MTX2: variants seen among roughly 807,000 people sequenced by gnomAD.
MTX2 encodes metaxin 2.
MTX2 carries 35 observed loss-of-function variants against 42.3 expected under a neutral mutation model. The observed-to-expected ratio is 0.83, with a 90% CI of 0.63 to 1.10. The LOEUF (loss-of-function observed/expected upper bound fraction) is 1.10, where lower values mean the gene tolerates loss of function less well. Ranked by LOEUF, MTX2 falls within the 50% of genes least tolerant of loss-of-function variation. The probability of loss-of-function intolerance (pLI) is 0.00; values close to 1 mark genes in which losing one functional copy is unlikely to be tolerated. For missense variants in MTX2, 307 were observed against 304.1 expected (o/e 1.01, Z -0.07); for synonymous variants, 119 against 100.9 (o/e 1.18, Z -1.08).
At chr2:176,314,298 G>A (rs1480856817) in intron 3 of MTX2, among the ~76,000 whole-genome samples, 1 of 152,038 alleles carries the variant, frequency 6.6e-6, no homozygotes, top group Non-Finnish European at 1.5e-5. Context: ...TTAGCTGGGT[G>A]TAGTAGTACA....
At chr2:176,287,663 AT>A (rs957581851) in intron 1 of MTX2, among the ~76,000 whole-genome samples, 11 of 152,204 alleles carry the variant, frequency 7.2e-5, no homozygotes, top group Admixed American at 1.3e-4. Context: ...AAAACTTGTG[AT>A]GATGTGTAGC....
chr2:176,301,054 GTGTT>G (rs1386132768), intron 3 of MTX2, among the ~76,000 whole-genome samples: 1 of 134,508 alleles, frequency 7.4e-6, no homozygotes, highest in Non-Finnish European at 1.7e-5. Context: ...GGACATGTTT[GTGTT>G]TGTGTGAACA....
Position 176,302,414 on chromosome 2 carries a change from T to C in MTX2, c.135+4519T>C. Among the ~76,000 whole-genome samples the C allele has an allele frequency of 1.3e-5, 2 of 152,094 alleles. 1 individual carries two copies. Among genetic ancestry groups the C allele is most frequent in the Non-Finnish European group, 2.9e-5 (2 of 68,012 alleles). The stretch of plus-strand genomic sequence containing the variant: ...TATTTTATTTCTGTTGAATGTAGTA[T>C]ATAATTTAAAAGTCAGCATTTTGTT... On this transcript the variant is annotated intron_variant, in intron 3 of 9. Coordinates refer to ENST00000249442, the MANE Select transcript of MTX2 (RefSeq NM_006554.5).
chr2:176,327,241 G>C lies in MTX2; in HGVS notation c.285+340G>C, dbSNP rs562539733. ...AAACTATTAGGTTTTGAAGTGTCTG[G>C]CTGACCTTTGAAAAGGGAGATACAG... On this transcript the variant is annotated intron_variant, in intron 5 of 9. Transcript: ENST00000249442. 1.1e-4 allele frequency among the ~76,000 whole-genome samples: 16 copies of C among 151,180 alleles called. No homozygotes were observed. The South Asian group carries it at 2.9e-3, about 27-fold the overall frequency.
At chr2:176,317,404 C>G (rs1030346187) in intron 3 of MTX2, among the ~76,000 whole-genome samples, 3 of 152,126 alleles carry the variant, frequency 2.0e-5, no homozygotes, top group Admixed American at 2.0e-4. Context: ...TTGCTCTCTG[C>G]AGTTTTGTTT....
intron 1 of MTX2, among the ~76,000 whole-genome samples, chr2:176,273,469 A>G (rs1033633389): frequency 3.9e-5 from 6 of 152,090 alleles, no homozygotes; most frequent in African/African-American, 7.2e-5. Flanking sequence ...TGAGAGCTCT[A>G]ATTTTTAGTG....
chr2:176,330,006 C>T (rs1023843268), intron 8 of MTX2, among the ~76,000 whole-genome samples: 10 of 151,036 alleles, frequency 6.6e-5, no homozygotes, highest in African/African-American at 2.4e-4. Context: ...AATTAATGCC[C>T]GTCTTTTCCA....
chr2:176,288,651 A>G (rs1693259867), intron 1 of MTX2, among the ~76,000 whole-genome samples: 1 of 151,392 alleles, frequency 6.6e-6, no homozygotes, highest in Non-Finnish European at 1.5e-5. Context: ...TAGTGCACAA[A>G]TGATAGGTTT....
At chr2:176,302,859 G>A (rs1406974682) in intron 3 of MTX2, among the ~76,000 whole-genome samples, 6 of 152,180 alleles carry the variant, frequency 3.9e-5, no homozygotes, top group African/African-American at 1.4e-4. Context: ...CTTTCTAGAA[G>A]GATGTATTAA....
chr2:176,298,630 T>C (rs527725973), intron 3 of MTX2, among the ~76,000 whole-genome samples: 74 of 152,274 alleles, frequency 4.9e-4, no homozygotes, highest in Non-Finnish European at 7.6e-4. Context: ...TTGTGTAGTT[T>C]AACATAGGAC....
chr2:176,275,312 C>T, intron 1 of MTX2, among the ~76,000 whole-genome samples: 1 of 151,670 alleles, frequency 6.6e-6, no homozygotes, highest in East Asian at 1.9e-4. Context: ...AACCTTGGCT[C>T]ACTGCAACCT....
intron 9 of MTX2, among the ~76,000 whole-genome samples, chr2:176,337,149 C>T (rs906611858): frequency 6.6e-6 from 1 of 152,146 alleles, no homozygotes; most frequent in Non-Finnish European, 1.5e-5. Context: ...TTAAGCCATT[C>T]TACCACCTCA....
intron 9 of MTX2, among the ~76,000 whole-genome samples, chr2:176,335,997 A>C (rs1363023499): frequency 6.6e-6 from 1 of 152,136 alleles, no homozygotes; most frequent in Non-Finnish European, 1.5e-5. Context: ...ATAGGGTTCA[A>C]GGCCACATAG....
At chr2:176,320,922 C>G (rs1247242885) in intron 3 of MTX2, among the ~76,000 whole-genome samples, 1 of 152,094 alleles carries the variant, frequency 6.6e-6, no homozygotes, top group Non-Finnish European at 1.5e-5. Flanking sequence ...GTCTTGAACT[C>G]CTGGCCTCAA....
intron 3 of MTX2, among the ~76,000 whole-genome samples, chr2:176,304,926 A>T (rs1684105767): frequency 6.6e-6 from 1 of 152,094 alleles, no homozygotes; most frequent in African/African-American, 2.4e-5. Flanking sequence ...CATGTGACTT[A>T]CATAAATTTA....
At chr2:176,328,436 A>G in intron 6 of MTX2, 51 bp downstream of exon 6, 1 of 1,156,496 alleles carries the variant, frequency 8.6e-7, no homozygotes, top group Non-Finnish European at 1.2e-6. Flanking sequence ...TCTCATTCTC[A>G]TAAAATATAA....
rs555619183 is a variant in MTX2 at position 176,331,855 on chromosome 2, T to C, written c.620+1195T>C. On this transcript the variant is annotated intron_variant, in intron 9 of 9. Transcript: ENST00000249442. ...TTGAAAAGCTCAGAAGGGGTGTGTT[T>C]TATTGAAATGCATTATTCTATTTTA... 2.0e-5 allele frequency among the ~76,000 whole-genome samples: 3 copies of C among 151,412 alleles called. No individual in the cohort carries two copies. The South Asian group carries it at 6.2e-4, about 31-fold the overall frequency.
chr2:176,307,983 C>G (rs938771594), intron 3 of MTX2, among the ~76,000 whole-genome samples: 1 of 152,098 alleles, frequency 6.6e-6, no homozygotes, highest in African/African-American at 2.4e-5. Flanking sequence ...TGCGGGTTTT[C>G]AAAGGGAGTG....
chr2:176,301,334 A>G (rs189741115), intron 3 of MTX2, among the ~76,000 whole-genome samples: 1 of 152,182 alleles, frequency 6.6e-6, no homozygotes, highest in African/African-American at 2.4e-5. Context: ...GAACCCACAA[A>G]TTGTGGAGAT....
Sources: gnomAD v4.1 joint callset for allele counts (sites outside exome capture counted in the v4.1 genomes callset) on GRCh38, gnomAD v4.1.1 for gene constraint, MANE v1.5 for transcripts, NCBI Gene and HGNC (gene_info 2026-07-23, HGNC 2026-07-21) for gene names.